Variants in CEACAM21 observed in about 807,000 individuals in gnomAD.
The protein encoded by CEACAM21 is CEA cell adhesion molecule 21, also known as cell adhesion molecule CEACAM21.
CEACAM21 carries 38 observed loss-of-function variants against 33.2 expected under a neutral mutation model. The observed-to-expected ratio is 1.14, with a 90% CI of 0.88 to 1.50. CEACAM21 has a LOEUF of 1.50. Ranked by LOEUF, CEACAM21 falls within the 40% of genes most tolerant of loss-of-function variation. CEACAM21 has a pLI of 0.00. For synonymous variants in CEACAM21, 156 were observed against 143.0 expected (o/e 1.09, Z -0.65); for missense variants, 385 against 364.6 (o/e 1.06, Z -0.46).
intron 1 of CEACAM21, among the ~76,000 whole-genome samples, chr19:41,562,978 T>C (rs1428891929): frequency 6.6e-6 from 1 of 152,194 alleles, no homozygotes; most frequent in Non-Finnish European, 1.5e-5. Flanking sequence ...TCCGCCTGCC[T>C]CCGCCTCCCG....
upstream of CEACAM21, chr19:41,576,137 A>G: frequency 1.0e-6 from 1 of 963,008 alleles, no homozygotes; most frequent in Non-Finnish European, 1.6e-6. Context: ...CATAAACGGG[A>G]AGTGCTCCTG....
intron 1 of CEACAM21, chr19:41,550,547 G>A (rs2041144843): frequency 6.6e-6 from 1 of 152,216 alleles, no homozygotes; most frequent in Non-Finnish European, 1.5e-5. Context: ...GAGATGGGCG[G>A]ATGACCCGAG....
rs1842835990 is a variant in CEACAM21, at chr19:41,576,358, G to A, written c.64+20G>A. The A allele has an allele frequency of 1.2e-6, 2 of 1,600,626 alleles. No homozygotes were observed. Among genetic ancestry groups the A allele is most frequent in the African/African-American group, 2.7e-5 (2 of 74,420 alleles). ...TCACAGGTGAGGGGAGGACTCCCTG[G>A]GAGTGGGTGGGAGGAGGGAGCACAG... On this transcript the variant is annotated intron_variant, in intron 1 of 6. Coordinates refer to ENST00000401445, the MANE Select transcript of CEACAM21 (RefSeq NM_001098506.4).
At chr19:41,583,184 G>A (rs2070442573) in intron 3 of CEACAM21, among the ~76,000 whole-genome samples, 1 of 152,090 alleles carries the variant, frequency 6.6e-6, no homozygotes, top group African/African-American at 2.4e-5. Flanking sequence ...TAGGGCAGGG[G>A]CAAAATACCA....
chr19:41,552,604 A>G (rs971074549), intron 1 of CEACAM21, among the ~76,000 whole-genome samples: 2 of 152,192 alleles, frequency 1.3e-5, no homozygotes, highest in South Asian at 2.1e-4. Context: ...CAATTTGCGC[A>G]TGATTTCTAT....
chr19:41,578,445 C>A (rs1361603802), intron 2 of CEACAM21, among the ~76,000 whole-genome samples: 1 of 152,016 alleles, frequency 6.6e-6, no homozygotes, highest in Non-Finnish European at 1.5e-5. Flanking sequence ...TTGACATGTA[C>A]CCCATTTTAT....
At chr19:41,582,748 G>T (rs952380440) in intron 3 of CEACAM21, among the ~76,000 whole-genome samples, 3 of 152,154 alleles carry the variant, frequency 2.0e-5, no homozygotes, top group Admixed American at 6.5e-5. Context: ...TCTCTAGGCC[G>T]CACACAGCAG....
At chr19:41,552,128 A>T (rs1311042205) in intron 1 of CEACAM21, 1 of 152,160 alleles carries the variant, frequency 6.6e-6, no homozygotes, top group African/African-American at 2.4e-5. Context: ...GTGTGCATTT[A>T]TCTAAAGATA....
chr19:41,574,566 G>T (rs782396043), upstream of CEACAM21, among the ~76,000 whole-genome samples: 12 of 152,034 alleles, frequency 7.9e-5, no homozygotes, highest in Admixed American at 2.0e-4. Flanking sequence ...TATTAAAATT[G>T]TCAGCAAATA....
At chr19:41,564,334 AT>A (rs2042109083) in intron 1 of CEACAM21, among the ~76,000 whole-genome samples, 2 of 83,078 alleles carry the variant, frequency 2.4e-5, no homozygotes, top group Non-Finnish European at 5.1e-5. Context: ...GTTATTTATT[AT>A]TTATTTATTT....
intron 1 of CEACAM21, among the ~76,000 whole-genome samples, chr19:41,552,921 C>T (rs782169620): frequency 6.6e-6 from 1 of 151,600 alleles, no homozygotes; most frequent in Non-Finnish European, 1.5e-5. Context: ...TCAGTGATTT[C>T]CAATTAAGAA....
chr19:41,551,234 G>T (rs4803479), intron 1 of CEACAM21: 45,418 of 147,874 alleles, frequency 0.31, 7,231 homozygotes, highest in East Asian at 0.43. Flanking sequence ...ATCTTGGCTC[G>T]CTGCAATCTC....
intron 1 of CEACAM21, among the ~76,000 whole-genome samples, chr19:41,557,813 C>T (rs1222044719): frequency 1.3e-5 from 2 of 152,200 alleles, no homozygotes; most frequent in East Asian, 3.8e-4. Flanking sequence ...TTATTCAGTG[C>T]TGGTACTTTG....
upstream of CEACAM21, among the ~76,000 whole-genome samples, chr19:41,575,225 A>G (rs782584882): frequency 2.0e-4 from 30 of 152,342 alleles, no homozygotes; most frequent in African/African-American, 2.6e-4. Flanking sequence ...TGAAGTTTCC[A>G]TTTGGTATAA....
upstream of CEACAM21, among the ~76,000 whole-genome samples, chr19:41,574,976 A>G (rs1555790505): frequency 1.3e-5 from 2 of 152,236 alleles, no homozygotes; most frequent in Non-Finnish European, 2.9e-5. Context: ...AAATTGAGGT[A>G]TAAACATATA....
chr19:41,577,829 C>T (rs1213640978), intron 2 of CEACAM21, among the ~76,000 whole-genome samples: 4 of 152,176 alleles, frequency 2.6e-5, no homozygotes, highest in Admixed American at 1.3e-4. Flanking sequence ...AGTCCAACCC[C>T]CCTTGGCCTC....
chr19:41,572,842 C>A (rs1234941487), upstream of CEACAM21, among the ~76,000 whole-genome samples: 2 of 152,202 alleles, frequency 1.3e-5, no homozygotes, highest in Admixed American at 1.3e-4. Flanking sequence ...GGTGGTTCTG[C>A]TTCCACCATG....
chr19:41,573,199 T>C (rs2042722731), upstream of CEACAM21, among the ~76,000 whole-genome samples: 1 of 152,202 alleles, frequency 6.6e-6, no homozygotes, highest in East Asian at 1.9e-4. Flanking sequence ...GACTCCGGCC[T>C]GATGTGCAGC....
At position 41,579,574 on chromosome 19, in the gene CEACAM21, G is replaced by A; in HGVS notation, c.646G>A (p.Val216Ile). ...QEDAGEYQCE[V>I]SNPVSSNRSD... The stretch of plus-strand genomic sequence containing the variant: ...GGACGCTGGGGAGTATCAGTGTGAG[G>A]TCTCCAACCCAGTCAGCTCCAACAG... Residue 216 changes from valine (V) to isoleucine (I), a missense_variant, in exon 3 of 7, where the codon GTC (valine) becomes ATC (isoleucine). By Grantham distance (29) the Val-to-Ile change is conservative. Coordinates refer to ENST00000401445, the MANE Select transcript of CEACAM21 (RefSeq NM_001098506.4). 6.3e-7 allele frequency: 1 copy of A among 1,597,502 alleles called. No homozygotes were observed. The highest frequency in any genetic ancestry group is 2.3e-5 in the East Asian group (1 of 44,144).
Sources: allele counts gnomAD v4.1 joint callset (sites outside exome capture counted in the v4.1 genomes callset), GRCh38; gene constraint gnomAD v4.1.1; transcripts MANE v1.5; gene names NCBI Gene and HGNC (gene_info 2026-07-23, HGNC 2026-07-21).